POC5: variants seen among roughly 807,000 people sequenced by gnomAD.
The protein encoded by POC5 is centrosomal protein POC5.
POC5 carries 48 observed loss-of-function variants against 62.9 expected under a neutral mutation model. That is an observed-to-expected ratio of 0.76 (90% CI 0.61 to 0.97). The LOEUF (loss-of-function observed/expected upper bound fraction) is 0.97. POC5 is among the 50% of genes least tolerant of loss of function. POC5 has a pLI of 0.00. For missense variants in POC5, 696 were observed against 679.5 expected (o/e 1.02, Z -0.27); for synonymous variants, 236 against 228.2 (o/e 1.03, Z -0.31).
In POC5 at chr5:75,712,919, TCTC is replaced by T. The variant is rs1028895988; in HGVS notation, c.16_18del (p.Glu6del). On this transcript the variant is annotated inframe_deletion, in exon 2 of 12. Transcript: ENST00000428202. ...TTTTGCACAACTGGAAGTGAGTATT[TCTC>T]CTCATCTGATGACATTCTGCACAAA... is the stretch of plus-strand genomic sequence containing the variant. 79 of 1,611,954 alleles carry T rather than the reference TCTC, an allele frequency of 4.9e-5. No homozygotes were observed. The highest frequency in any genetic ancestry group is 1.6e-4 in the Middle Eastern group (1 of 6,080).
intron 11 of POC5, among the ~76,000 whole-genome samples, chr5:75,676,857 T>C (rs1775683621): frequency 6.6e-6 from 1 of 151,340 alleles, no homozygotes; most frequent in Admixed American, 6.6e-5. Flanking sequence ...AATAAATAAA[T>C]AAATAAATAA....
intron 8 of POC5, among the ~76,000 whole-genome samples, 163 bp downstream of exon 8, chr5:75,690,220 A>G (rs17563700): frequency 0.17 from 25,674 of 152,228 alleles, 2,388 homozygotes; most frequent in South Asian, 0.21. Flanking sequence ...TCAACCATGT[A>G]AGAATATACA....
At chr5:75,692,278 G>A (rs1003984887) in intron 7 of POC5, 118 bp downstream of exon 7, 6 of 634,054 alleles carry the variant, frequency 9.5e-6, no homozygotes, top group Non-Finnish European at 1.5e-5. Context: ...GAAATAAGAG[G>A]AACATTAAAT....
At chr5:75,695,088 A>G (rs1776505801) in intron 5 of POC5, among the ~76,000 whole-genome samples, 1 of 152,206 alleles carries the variant, frequency 6.6e-6, no homozygotes, top group South Asian at 2.1e-4. Flanking sequence ...GTCACTTAAA[A>G]AAATTTCAGG....
At chr5:75,713,222 T>G (rs1306289241) in intron 1 of POC5, among the ~76,000 whole-genome samples, 2 of 152,236 alleles carry the variant, frequency 1.3e-5, no homozygotes, top group African/African-American at 4.8e-5. Context: ...TTGTGATCAC[T>G]GTTCTTGAGC....
rs79645384 is a variant in POC5 at position 75,702,650 on chromosome 5, A to G, written c.468T>C (p.Leu156=). ...GATCAAGCACATTTTCCATCTTCTG[A>G]AGGTTTTCATCAGAAACAAGAAAAT... ...VSDFLVSDEN[L]QKMENVLDLW... The change falls in exon 5 of 12, where the codon CTT becomes CTC. Residue 156 remains leucine, a synonymous_variant. Coordinates refer to ENST00000428202, the MANE Select transcript of POC5 (RefSeq NM_001099271.2). 1.6e-4 allele frequency: 264 copies of G among 1,613,324 alleles called. 1 individual carries two copies. In the African/African-American group the frequency reaches 3.3e-3, roughly 20 times the overall value.
rs1775567175 is a variant in POC5, at chr5:75,674,217, A to C, written c.*218T>G. The C allele has an allele frequency of 5.6e-6, 2 of 356,850 alleles. No individual in the cohort carries two copies. The highest frequency in any genetic ancestry group is 9.8e-6 in the Non-Finnish European group (2 of 204,300). 22.1% of individuals were successfully genotyped at this position (356,850 alleles called of 1,614,324 possible). The stretch of plus-strand genomic sequence containing the variant: ...GTCCAGTTTCTTTTTTAATTTAAAA[A>C]AGTTTTACTTAATTGCTTAAATAAA... On this transcript the variant is annotated 3_prime_UTR_variant, in exon 12 of 12. Transcript: ENST00000428202.
At chr5:75,690,669 A>T (rs2112118878) in intron 7 of POC5, 107 bp from the exon 8 acceptor site, 1 of 908,884 alleles carries the variant, frequency 1.1e-6, no homozygotes, top group East Asian at 2.7e-5. Context: ...ACATTATTTA[A>T]TTCTATGTAA....
chr5:75,709,691 A>G (rs1177100104), intron 2 of POC5: 3 of 152,226 alleles, frequency 2.0e-5, no homozygotes, highest in Non-Finnish European at 2.9e-5. Flanking sequence ...TTCCCAAAGC[A>G]TATTGGTTTT....
At chr5:75,681,733 T>C (rs1386718123) in intron 10 of POC5, among the ~76,000 whole-genome samples, 2 of 151,910 alleles carry the variant, frequency 1.3e-5, no homozygotes, top group Non-Finnish European at 2.9e-5. Context: ...TGGACCTATC[T>C]CCTTTTAGCT....
chr5:75,693,017 T>C (rs1399634629), intron 6 of POC5, among the ~76,000 whole-genome samples: 6 of 134,650 alleles, frequency 4.5e-5, no homozygotes, highest in East Asian at 1.9e-4. Flanking sequence ...GTTATAGTTA[T>C]ATATATAACT....
chr5:75,712,396 A>AT (rs1324261838), intron 2 of POC5: 23 of 1,611,522 alleles, frequency 1.4e-5, no homozygotes, highest in Non-Finnish European at 2.0e-5. Context: ...TTATCTGTCA[A>AT]TGTCCAGGTC....
chr5:75,692,569 T>A, intron 6 of POC5, 69 bp from the exon 7 acceptor site: 2 of 1,126,260 alleles, frequency 1.8e-6, no homozygotes, highest in Admixed American at 2.2e-5. Flanking sequence ...GATTTTCTCA[T>A]ATATCAAAAA....
Position 75,685,320 on chromosome 5 carries a change from C to T in POC5, c.1294G>A (p.Val432Ile), listed in dbSNP as rs199811005. ...GAAGTCATCGAAGCAGCTGAGGGAA[C>T]GGCAGTCGCGCTGGCTCCTCCGACG... ...AAVGGASATA[V>I]PSAASMTSTR... The change falls in exon 10 of 12, where the codon GTT becomes ATT. Residue 432 changes from valine (V) to isoleucine (I), a missense_variant. Physicochemically the swap from Val to Ile is conservative, Grantham distance 29. Coordinates refer to ENST00000428202, the MANE Select transcript of POC5 (RefSeq NM_001099271.2). The T allele has an allele frequency of 2.5e-4, 409 of 1,613,878 alleles. No individual in the cohort carries two copies. The highest frequency in any genetic ancestry group is 3.3e-4 in the Non-Finnish European group (391 of 1,179,910).
At chr5:75,696,452 T>G (rs567828931) in intron 5 of POC5, among the ~76,000 whole-genome samples, 289 of 152,320 alleles carry the variant, frequency 1.9e-3, no homozygotes, top group Middle Eastern at 6.8e-3. Flanking sequence ...AGAGGCAGAC[T>G]GACACCTCAC....
Position 75,712,907 on chromosome 5 carries a change from G to GA in POC5, c.30dup (p.Pro11SerfsTer6). 1 of 1,612,674 alleles carries GA rather than the reference G, an allele frequency of 6.2e-7. No homozygotes were observed. Among genetic ancestry groups the GA allele is most frequent in the South Asian group, 1.1e-5 (1 of 90,700 alleles). On this transcript the variant is annotated frameshift_variant, in exon 2 of 12. Transcript: ENST00000428202. LOFTEE classifies it high-confidence loss of function. ...CGACTGGAGTCATTTTGCACAACTG[G>GA]AAGTGAGTATTTCTCCTCATCTGAT...
chr5:75,707,744 A>C lies in POC5; in HGVS notation c.216T>G (p.His72Gln). 2 of 1,536,602 alleles carry C rather than the reference A, an allele frequency of 1.3e-6. No homozygotes were observed. Among genetic ancestry groups the C allele is most frequent in the Non-Finnish European group, 1.8e-6 (2 of 1,132,446 alleles). Reference sequence around the variant, plus strand: ...TTGAAAAATATATATAACCTTGACTATGAAGAATATCATGAATTGTAGAAA... The same window carrying C: ...TTGAAAAATATATATAACCTTGACTCTGAAGAATATCATGAATTGTAGAAA... ...VRISTIHDILHSQGNNSEVRE... is the reference protein window; with the variant it reads ...VRISTIHDILQSQGNNSEVRE... The change falls in exon 3 of 12, where the codon CAT (histidine) becomes CAG (glutamine). Residue 72 changes from histidine (H) to glutamine (Q), a missense_variant. Coordinates refer to ENST00000428202, the MANE Select transcript of POC5 (RefSeq NM_001099271.2).
At chr5:75,705,390 G>A (rs928518016) in intron 4 of POC5, 2 of 181,478 alleles carry the variant, frequency 1.1e-5, no homozygotes, top group Non-Finnish European at 2.3e-5. Context: ...GGGAAACAGT[G>A]CATTGGTTTA....
chr5:75,696,509 A>G (rs1355499237), intron 5 of POC5, among the ~76,000 whole-genome samples: 1 of 152,030 alleles, frequency 6.6e-6, no homozygotes, highest in African/African-American at 2.4e-5. Flanking sequence ...CCTGTCTGTT[A>G]GAAGGAAAAC....
Sources: allele counts gnomAD v4.1 joint callset (sites outside exome capture counted in the v4.1 genomes callset), GRCh38; gene constraint gnomAD v4.1.1; transcripts MANE v1.5; gene names NCBI Gene and HGNC (gene_info 2026-07-23, HGNC 2026-07-21).